Variants in B4GALT6 observed in about 807,000 individuals in gnomAD.
B4GALT6 encodes the protein beta-1,4-galactosyltransferase 6.
B4GALT6 carries 14 observed loss-of-function variants against 46.3 expected under a neutral mutation model. The observed-to-expected ratio is 0.30, with a 90% CI of 0.20 to 0.47. The LOEUF is 0.47. Ranked by LOEUF, B4GALT6 falls within the 20% of genes least tolerant of loss-of-function variation. The pLI is 0.99. For synonymous variants in B4GALT6, 168 were observed against 162.0 expected, an observed-to-expected ratio of 1.04 and a Z score of -0.28; for missense variants, 386 against 480.1, an observed-to-expected ratio of 0.80 and a Z score of 1.83.
chr18:31,658,798 T>G (rs368679838), intron 2 of B4GALT6, among the ~76,000 whole-genome samples: 1 of 152,210 alleles, frequency 6.6e-6, no homozygotes, highest in African/African-American at 2.4e-5. Context: ...TACTTCATAC[T>G]GTCATTTTTA....
the B4GALT6 span, among the ~76,000 whole-genome samples, chr18:31,694,848 A>G: frequency 6.6e-6 from 1 of 152,338 alleles, no homozygotes; most frequent in African/African-American, 2.4e-5. Context: ...TTATCCATCT[A>G]CATTTCACAT....
the B4GALT6 span, among the ~76,000 whole-genome samples, chr18:31,720,695 CGTGTGTCACCCTGCTCACCTTGGCAT>C: frequency 1.6e-4 from 25 of 152,274 alleles, no homozygotes; most frequent in Admixed American, 1.6e-3. Flanking sequence ...TGAATTGGCA[CGTGTGTCACCCTGCTCACCTTGGCAT>C]GTGTGTCACC....
At chr18:31,676,688 A>C (rs1598930379) in intron 1 of B4GALT6, among the ~76,000 whole-genome samples, 1 of 152,332 alleles carries the variant, frequency 6.6e-6, no homozygotes, top group East Asian at 1.9e-4. Context: ...AGTTCTATGA[A>C]ATATCAAATG....
chr18:31,713,745 G>T, the B4GALT6 span, among the ~76,000 whole-genome samples: 3 of 151,706 alleles, frequency 2.0e-5, no homozygotes, highest in Non-Finnish European at 2.9e-5. Flanking sequence ...TTCAAGCAAG[G>T]ATTCCCCAAA....
At chr18:31,696,385 T>G in the B4GALT6 span, among the ~76,000 whole-genome samples, 1 of 152,260 alleles carries the variant, frequency 6.6e-6, no homozygotes, top group Non-Finnish European at 1.5e-5. Context: ...CCATTCCATT[T>G]AGATTCTCTT....
chr18:31,643,714 T>C (rs573908865), intron 4 of B4GALT6, among the ~76,000 whole-genome samples: 1 of 152,304 alleles, frequency 6.6e-6, no homozygotes, highest in South Asian at 2.1e-4. Flanking sequence ...ACCTGTCTCC[T>C]GGAAAATGAG....
intron 2 of B4GALT6, 120 bp downstream of exon 2, chr18:31,666,136 C>T (rs541886668): frequency 5.7e-5 from 31 of 543,590 alleles, no homozygotes; most frequent in Middle Eastern, 2.8e-4. Flanking sequence ...TCTACCAGGA[C>T]GCTTAGGGGA....
intron 5 of B4GALT6, among the ~76,000 whole-genome samples, chr18:31,632,409 T>C (rs2073802494): frequency 6.6e-6 from 1 of 152,216 alleles, no homozygotes; most frequent in African/African-American, 2.4e-5. Context: ...TTTTATTAAA[T>C]GTGGACATAA....
the B4GALT6 span, among the ~76,000 whole-genome samples, chr18:31,720,951 T>A: frequency 6.6e-6 from 1 of 152,196 alleles, no homozygotes; most frequent in Non-Finnish European, 1.5e-5. Context: ...ATACATCATT[T>A]GTTTTCAAAC....
chr18:31,679,732 C>T (rs1488969600), intron 1 of B4GALT6, among the ~76,000 whole-genome samples: 1 of 152,210 alleles, frequency 6.6e-6, no homozygotes, highest in Non-Finnish European at 1.5e-5. Flanking sequence ...TCCTGGATAT[C>T]ACACAGGGAT....
At chr18:31,654,312 C>T (rs1229855606) in intron 3 of B4GALT6, among the ~76,000 whole-genome samples, 3 of 152,216 alleles carry the variant, frequency 2.0e-5, no homozygotes, top group Admixed American at 2.0e-4. Flanking sequence ...ACACTAAGCA[C>T]TTATTAATTT....
At position 31,659,949 on chromosome 18, in the gene B4GALT6, C is replaced by CT. The variant is rs35690268; in HGVS notation, c.233-1861dup. Among the ~76,000 whole-genome samples, 1,054 of 122,690 alleles carry CT rather than the reference C, an allele frequency of 8.6e-3. 5 individuals are homozygous for CT. The highest frequency in any genetic ancestry group is 0.022 in the East Asian group (99 of 4,532). 80.5% of individuals were successfully genotyped at this position (122,690 alleles called of 152,430 possible). A position where few individuals can be genotyped will look rare whatever the true frequency, so the allele number is the denominator to read the frequency against. ...GTCCAATAAAGTTCTGATTCTTTTC[C>CT]TTTTTTTTTTTTTTTTTTTTTGAGA... On this transcript the variant is annotated intron_variant, in intron 2 of 8. Coordinates refer to ENST00000306851, the MANE Select transcript of B4GALT6 (RefSeq NM_004775.5).
Position 31,684,478 on chromosome 18 carries a change from G to A in B4GALT6, c.-52C>T. ...GCTGCGCTCTCAGGCCGGACTCGGG[G>A]CCACTGTCCAGGCCCTAAACTTCCA... On this transcript the variant is annotated 5_prime_UTR_variant, in exon 1 of 9. Transcript: ENST00000306851. 6.3e-7 allele frequency: 1 copy of A among 1,593,784 alleles called. No homozygotes were observed.
the B4GALT6 span, among the ~76,000 whole-genome samples, chr18:31,693,263 T>C: frequency 9.9e-5 from 15 of 152,268 alleles, no homozygotes; most frequent in South Asian, 4.2e-4. Context: ...CAGCTCAGGA[T>C]GGTTTGGCCT....
the B4GALT6 span, among the ~76,000 whole-genome samples, chr18:31,715,787 G>A: frequency 6.6e-6 from 1 of 151,330 alleles, no homozygotes. Flanking sequence ...GACCTCAGGT[G>A]GTCTGCCCAC....
At chr18:31,652,207 T>C (rs1233808198) in intron 3 of B4GALT6, among the ~76,000 whole-genome samples, 1 of 152,198 alleles carries the variant, frequency 6.6e-6, no homozygotes, top group Non-Finnish European at 1.5e-5. Context: ...ACTTCTCTCA[T>C]TTCACCTACA....
At chr18:31,644,552 CA>C (rs1404506169) in intron 4 of B4GALT6, among the ~76,000 whole-genome samples, 2 of 152,212 alleles carry the variant, frequency 1.3e-5, no homozygotes, top group Admixed American at 1.3e-4. Context: ...TAGGAAATAA[CA>C]CTTGATTTAT....
chr18:31,711,296 G>T, the B4GALT6 span, among the ~76,000 whole-genome samples: 1 of 152,090 alleles, frequency 6.6e-6, no homozygotes, highest in Non-Finnish European at 1.5e-5. Flanking sequence ...TACATTGCAG[G>T]TTGATTATAC....
chr18:31,671,550 G>C (rs2144709735), intron 1 of B4GALT6, among the ~76,000 whole-genome samples: 2 of 152,248 alleles, frequency 1.3e-5, no homozygotes, highest in Middle Eastern at 6.8e-3. Flanking sequence ...ATCTTCTTTT[G>C]AGAAGTGTCT....
Sources: allele counts gnomAD v4.1 joint callset (sites outside exome capture counted in the v4.1 genomes callset), GRCh38; gene constraint gnomAD v4.1.1; transcripts MANE v1.5; gene names NCBI Gene and HGNC (gene_info 2026-07-23, HGNC 2026-07-21).